The following VPS33A variants were observed in gnomAD, a reference collection of about 807,000 sequenced individuals.
The protein encoded by VPS33A is vacuolar protein sorting-associated protein 33A.
VPS33A carries 32 observed loss-of-function variants against 71.8 expected under a neutral mutation model. The ratio of observed to expected loss-of-function variants is 0.45; its 90% CI spans 0.34 to 0.60. The LOEUF is 0.60. Ranked by LOEUF, VPS33A falls within the 20% of genes least tolerant of loss-of-function variation. The probability of loss-of-function intolerance (pLI) is 0.02; values close to 1 mark genes in which losing one functional copy is unlikely to be tolerated. For synonymous variants in VPS33A, 311 were observed against 292.7 expected (o/e 1.06, Z -0.64); for missense variants, 625 against 748.5 (o/e 0.84, Z 1.92).
At chr12:122,265,654 C>G (rs755945533) in intron 1 of VPS33A, 13 of 447,242 alleles carry the variant, frequency 2.9e-5, no homozygotes, top group South Asian at 1.6e-5. Context: ...GTTCTGTTCT[C>G]TACAAGACTG....
At chr12:122,251,634 A>G (rs533420428) in intron 4 of VPS33A, among the ~76,000 whole-genome samples, 25 of 152,282 alleles carry the variant, frequency 1.6e-4, no homozygotes, top group African/African-American at 5.5e-4. Flanking sequence ...ATATTTTTGC[A>G]TTGAAAAAAG....
intron 6 of VPS33A, 135 bp from the exon 7 acceptor site, chr12:122,244,897 G>T: frequency 1.3e-6 from 1 of 796,818 alleles, no homozygotes; most frequent in Non-Finnish European, 1.9e-6. Flanking sequence ...CTGAGCTTTT[G>T]ATTTTCCATG....
At chr12:122,265,933 G>C (rs940671437) in intron 1 of VPS33A, among the ~76,000 whole-genome samples, 5 of 152,188 alleles carry the variant, frequency 3.3e-5, no homozygotes, top group African/African-American at 1.2e-4. Flanking sequence ...GAGCTTCTAA[G>C]GTACACGTAT....
rs562930947 is a variant in VPS33A at position 122,261,415 on chromosome 12, T to C, written c.329A>G (p.His110Arg). 6.8e-6 allele frequency: 11 copies of C among 1,613,874 alleles called. No homozygotes were observed. The Admixed American group carries it at 8.3e-5, about 12-fold the overall frequency. ...EDRRGPTRDF[H>R]ILFVPRRSLL... ...GCTACGGCGTGGCACAAACAGAATA[T>C]GAAAATCTCTCGTTGGGCCTCGTCT... The change falls in exon 4 of 13, where the codon CAT becomes CGT. Residue 110 changes from histidine to arginine, a missense_variant. His to Arg is a conservative substitution (Grantham distance 29). Transcript: ENST00000267199.
chr12:122,259,443 T>C lies in VPS33A; in HGVS notation c.483+1818A>G, dbSNP rs1042046342. 2.0e-5 allele frequency among the ~76,000 whole-genome samples: 3 copies of C among 152,070 alleles called. No homozygotes were observed. The East Asian group carries it at 5.8e-4, about 29-fold the overall frequency. ...CATGTTGGTCAGGCTGGTCTTGAAC[T>C]CCCAACCTCAAGTGATCCATCCACC... On this transcript the variant is annotated intron_variant, in intron 4 of 12. Transcript: ENST00000267199.
rs115379950 is a variant in VPS33A at position 122,231,206 on chromosome 12, T to C, written c.*1040A>G. 1 of 152,334 alleles carries C rather than the reference T, an allele frequency of 6.6e-6. No homozygotes were observed. Among genetic ancestry groups the C allele is most frequent in the African/African-American group, 2.4e-5 (1 of 41,548 alleles). 9.4% of individuals were successfully genotyped at this position (152,334 alleles called of 1,614,324 possible). A position where few individuals can be genotyped will look rare whatever the true frequency, so the allele number is the denominator to read the frequency against. On this transcript the variant is annotated 3_prime_UTR_variant, in exon 13 of 13. Transcript: ENST00000267199. Reference sequence around the variant, plus strand: ...TGCTAAGAAACTGTCTTTGAATTACTTCAAAGGCTGAATTCTCAGAAGGTT... The same window carrying C: ...TGCTAAGAAACTGTCTTTGAATTACCTCAAAGGCTGAATTCTCAGAAGGTT...
chr12:122,238,502 G>A (rs1439428395), intron 10 of VPS33A, 85 bp downstream of exon 10: 68 of 1,484,618 alleles, frequency 4.6e-5, no homozygotes, highest in Non-Finnish European at 5.6e-5. Context: ...GATTACAGGC[G>A]TAAGCCACTG....
chr12:122,237,534 CTTTTTTTTT>C (rs59918502), intron 10 of VPS33A, among the ~76,000 whole-genome samples: 117 of 111,760 alleles, frequency 1.0e-3, no homozygotes, highest in African/African-American at 4.0e-3. Flanking sequence ...TAAAGTTTTT[CTTTTTTTTT>C]TTTTTTTTTT....
intron 11 of VPS33A, among the ~76,000 whole-genome samples, chr12:122,234,070 G>GT (rs1954598963): frequency 6.6e-6 from 1 of 152,152 alleles, no homozygotes; most frequent in Admixed American, 6.6e-5. Context: ...AGAAACATTA[G>GT]AATAAGTAAT....
At chr12:122,254,739 AGGCTTGAAATTGT>A (rs1954892893) in intron 4 of VPS33A, among the ~76,000 whole-genome samples, 1 of 152,082 alleles carries the variant, frequency 6.6e-6, no homozygotes, top group African/African-American at 2.4e-5. Context: ...ACAAAGCCAA[AGGCTTGAAATTGT>A]CAGTAGAAAA....
intron 5 of VPS33A, 115 bp downstream of exon 5, chr12:122,250,868 A>G (rs1377344662): frequency 1.8e-5 from 14 of 758,152 alleles, no homozygotes; most frequent in Middle Eastern, 5.1e-4. Context: ...TCATGAGTAC[A>G]GTATTCATAA....
intron 4 of VPS33A, among the ~76,000 whole-genome samples, chr12:122,253,790 C>T (rs60557764): frequency 1.3e-5 from 2 of 151,786 alleles, no homozygotes; most frequent in Admixed American, 1.3e-4. Context: ...CTACACCTCC[C>T]GAGTTCAAGT....
At chr12:122,264,816 G>A (rs530767997) in intron 1 of VPS33A, 1 of 152,268 alleles carries the variant, frequency 6.6e-6, no homozygotes, top group South Asian at 2.1e-4. Context: ...TGAACAGAAA[G>A]AAGGAATTTT....
intron 4 of VPS33A, among the ~76,000 whole-genome samples, chr12:122,257,502 T>C (rs1376742287): frequency 6.9e-6 from 1 of 144,540 alleles, no homozygotes; most frequent in Admixed American, 7.0e-5. Flanking sequence ...TGAAACCCCG[T>C]CTCTACTAAT....
intron 7 of VPS33A, 131 bp from the exon 8 acceptor site, chr12:122,242,639 G>A (rs1000754154): frequency 2.9e-5 from 34 of 1,168,728 alleles, no homozygotes; most frequent in African/African-American, 9.3e-5. Flanking sequence ...TGCAACCTCC[G>A]CCTCCCAGGT....
intron 7 of VPS33A, among the ~76,000 whole-genome samples, chr12:122,244,301 A>C (rs930463662): frequency 6.6e-6 from 1 of 152,196 alleles, no homozygotes; most frequent in Non-Finnish European, 1.5e-5. Context: ...CGATAAAGCA[A>C]ATGTTTATGA....
intron 4 of VPS33A, among the ~76,000 whole-genome samples, chr12:122,259,501 G>A (rs58583917): frequency 0.026 from 3,957 of 152,168 alleles, 138 homozygotes; most frequent in African/African-American, 0.067. Flanking sequence ...TCACAGGCGT[G>A]AGCCACCACG....
At chr12:122,260,194 T>A (rs1862685510) in intron 4 of VPS33A, among the ~76,000 whole-genome samples, 2 of 152,098 alleles carry the variant, frequency 1.3e-5, no homozygotes, top group Non-Finnish European at 2.9e-5. Flanking sequence ...GTGCCATACT[T>A]AGAGAGTGGA....
intron 6 of VPS33A, among the ~76,000 whole-genome samples, chr12:122,246,290 TTTTA>T (rs138644669): frequency 1.1e-4 from 17 of 150,832 alleles, no homozygotes; most frequent in South Asian, 2.1e-4. Flanking sequence ...CTCTCTCTTA[TTTTA>T]TTTATTTATT....
Sources: allele counts gnomAD v4.1 joint callset (sites outside exome capture counted in the v4.1 genomes callset), GRCh38; gene constraint gnomAD v4.1.1; transcripts MANE v1.5; gene names NCBI Gene and HGNC (gene_info 2026-07-23, HGNC 2026-07-21).